The following DPYD variants were observed in gnomAD, a reference collection of about 807,000 sequenced individuals.
DPYD encodes dihydropyrimidine dehydrogenase [NADP(+)].
Under a neutral mutation model 116.2 loss-of-function variants are expected in DPYD, and 109 were observed. The observed-to-expected ratio is 0.94, with a 90% CI of 0.80 to 1.10. The LOEUF is 1.10. Ranked by LOEUF, DPYD falls within the 50% of genes least tolerant of loss-of-function variation. The pLI is 0.00. For synonymous variants in DPYD, 440 were observed against 432.0 expected, an observed-to-expected ratio of 1.02 and a Z score of -0.23; for missense variants, 1,302 against 1,254.5, an observed-to-expected ratio of 1.04 and a Z score of -0.57.
intron 13 of DPYD, chr1:97,514,170 G>A (rs7545340): frequency 0.27 from 263,604 of 978,212 alleles, 36,450 homozygotes; most frequent in East Asian, 0.47. Flanking sequence ...AAGGAAGTTA[G>A]CTTCCACATT....
chr1:97,610,975 G>A (rs1227662234), intron 8 of DPYD, among the ~76,000 whole-genome samples: 2 of 149,822 alleles, frequency 1.3e-5, no homozygotes, highest in Non-Finnish European at 3.0e-5. Context: ...GTTTGTGTGT[G>A]TGTATATATA....
At chr1:97,909,674 C>T (rs1464110136) in intron 1 of DPYD, among the ~76,000 whole-genome samples, 1 of 152,016 alleles carries the variant, frequency 6.6e-6, no homozygotes, top group Admixed American at 6.6e-5. Context: ...CTTCCTCCTC[C>T]CTTGGTTTCT....
intron 12 of DPYD, among the ~76,000 whole-genome samples, chr1:97,534,674 C>G (rs897276083): frequency 1.3e-5 from 2 of 151,844 alleles, no homozygotes; most frequent in Admixed American, 6.6e-5. Flanking sequence ...AGTAAATTAT[C>G]TTACTATGTG....
At chr1:97,499,948 G>A (rs1447958840) in intron 13 of DPYD, among the ~76,000 whole-genome samples, 9 of 151,808 alleles carry the variant, frequency 5.9e-5, no homozygotes, top group Non-Finnish European at 1.3e-4. Context: ...TGGTAATAGA[G>A]GCAATCATTT....
At chr1:97,135,199 T>TA (rs1456068980) in intron 20 of DPYD, among the ~76,000 whole-genome samples, 1 of 152,176 alleles carries the variant, frequency 6.6e-6, no homozygotes, top group Non-Finnish European at 1.5e-5. Flanking sequence ...TAAAAATTGA[T>TA]ATGGTATAGG....
intron 1 of DPYD, among the ~76,000 whole-genome samples, chr1:97,910,655 T>G (rs924750236): frequency 6.6e-6 from 1 of 152,032 alleles, no homozygotes; most frequent in Non-Finnish European, 1.5e-5. Flanking sequence ...AATTCCAGAG[T>G]CTATACTCTT....
chr1:97,800,671 C>T (rs1315015590), intron 3 of DPYD, among the ~76,000 whole-genome samples: 1 of 151,924 alleles, frequency 6.6e-6, no homozygotes, highest in Non-Finnish European at 1.5e-5. Context: ...CCAAATAGTG[C>T]TGCCACCATC....
At chr1:97,401,070 A>T (rs1673348296) in intron 14 of DPYD, among the ~76,000 whole-genome samples, 1 of 152,044 alleles carries the variant, frequency 6.6e-6, no homozygotes, top group African/African-American at 2.4e-5. Flanking sequence ...GACATGATGT[A>T]GAGTACCTTT....
At chr1:97,761,936 A>G (rs1571316433) in intron 3 of DPYD, among the ~76,000 whole-genome samples, 2 of 152,184 alleles carry the variant, frequency 1.3e-5, no homozygotes, top group East Asian at 1.9e-4. Flanking sequence ...GCTATCACTT[A>G]TAAGTGTGAG....
intron 1 of DPYD, among the ~76,000 whole-genome samples, chr1:97,916,672 C>G (rs920917360): frequency 1.3e-5 from 2 of 152,144 alleles, no homozygotes; most frequent in Admixed American, 6.5e-5. Context: ...CATCATTAGT[C>G]ATTAATCTCC....
chr1:97,622,660 G>A lies in DPYD; in HGVS notation c.851-27494C>T, dbSNP rs183057365. Among the ~76,000 whole-genome samples, 598 of 152,106 alleles carry A rather than the reference G, an allele frequency of 3.9e-3. 2 individuals are homozygous for A. Among genetic ancestry groups the A allele is most frequent in the Non-Finnish European group, 5.6e-3 (378 of 67,950 alleles). On this transcript the variant is annotated intron_variant, in intron 8 of 22. Transcript: ENST00000370192. Reference sequence around the variant, plus strand: ...CTAATGTAAGGTGCTAACAAGAGAGGAAACTGAATGTGGACTCCAGCGATT... The same window carrying A: ...CTAATGTAAGGTGCTAACAAGAGAGAAAACTGAATGTGGACTCCAGCGATT...
At chr1:97,601,331 A>G (rs891019734) in intron 8 of DPYD, among the ~76,000 whole-genome samples, 4 of 152,024 alleles carry the variant, frequency 2.6e-5, no homozygotes, top group African/African-American at 7.2e-5. Context: ...ACTATGGGGG[A>G]AAAAGGCTTA....
At chr1:97,512,981 T>C (rs185594107) in intron 13 of DPYD, among the ~76,000 whole-genome samples, 71 of 151,118 alleles carry the variant, frequency 4.7e-4, no homozygotes, top group African/African-American at 1.6e-3. Context: ...AACAGATCTT[T>C]TCATATTTGA....
At chr1:97,584,738 G>C (rs546644898) in intron 10 of DPYD, among the ~76,000 whole-genome samples, 16 of 136,134 alleles carry the variant, frequency 1.2e-4, no homozygotes, top group Admixed American at 3.4e-4. Flanking sequence ...TCATAGGTGG[G>C]AATTGAACAA....
intron 2 of DPYD, among the ~76,000 whole-genome samples, chr1:97,877,999 G>A (rs950261335): frequency 1.1e-4 from 16 of 152,028 alleles, no homozygotes; most frequent in African/African-American, 2.4e-4. Context: ...AAAATTAAAC[G>A]TATTTGGAAC....
chr1:97,111,000 T>C (rs1360083854), intron 20 of DPYD, among the ~76,000 whole-genome samples: 1 of 136,962 alleles, frequency 7.3e-6, no homozygotes, highest in Admixed American at 7.2e-5. Flanking sequence ...AGACCCCATC[T>C]CTATTTAAAA....
At chr1:97,431,755 T>C (rs1380813402) in intron 14 of DPYD, among the ~76,000 whole-genome samples, 1 of 152,146 alleles carries the variant, frequency 6.6e-6, no homozygotes. Context: ...AATTAATTAT[T>C]GTTAACTATA....
intron 13 of DPYD, among the ~76,000 whole-genome samples, chr1:97,452,838 A>G (rs934867457): frequency 7.2e-5 from 11 of 152,068 alleles, no homozygotes; most frequent in African/African-American, 2.7e-4. Flanking sequence ...AGATGCTGCT[A>G]TGCTTCCTAT....
intron 20 of DPYD, among the ~76,000 whole-genome samples, chr1:97,112,957 T>C (rs1651708793): frequency 6.6e-6 from 1 of 152,126 alleles, no homozygotes; most frequent in African/African-American, 2.4e-5. Flanking sequence ...TCAGTGGGTA[T>C]TTTTAAGGAA....
Sources: gnomAD v4.1 joint callset for allele counts (sites outside exome capture counted in the v4.1 genomes callset) on GRCh38, gnomAD v4.1.1 for gene constraint, MANE v1.5 for transcripts, NCBI Gene and HGNC (gene_info 2026-07-23, HGNC 2026-07-21) for gene names.